The following UPF1 variants were observed in gnomAD, a reference collection of about 807,000 sequenced individuals.
UPF1 encodes UPF1 RNA helicase and ATPase, also known as regulator of nonsense transcripts 1.
In UPF1, 9 loss-of-function variants were observed where a neutral mutation model predicts 129.2. The ratio of observed to expected loss-of-function variants is 0.07; its 90% confidence interval spans 0.04 to 0.12. The LOEUF is 0.12. Ranked by LOEUF, UPF1 falls within the 10% of genes least tolerant of loss-of-function variation. The pLI is 1.00. For synonymous variants in UPF1, 649 were observed against 644.9 expected, an observed-to-expected ratio of 1.01 and a Z score of -0.10; for missense variants, 788 against 1,525.3, an observed-to-expected ratio of 0.52 and a Z score of 8.05.
At position 18,864,178 on chromosome 19, in the gene UPF1, C is replaced by T. The variant is rs1355981973; in HGVS notation, c.2784C>T (p.Arg928=). ...KLVNTINPGA[R]FMTTAMYDAR... Reference sequence around the variant, plus strand: ...TATCTAAACCTTCGCAGGGAGCCCGCTTCATGACCACAGCCATGTATGATG... The same window carrying T: ...TATCTAAACCTTCGCAGGGAGCCCGTTTCATGACCACAGCCATGTATGATG... The change falls in exon 20 of 24, where the codon CGC becomes CGT. Residue 928 remains arginine, a synonymous_variant. Transcript: ENST00000262803. The T allele has an allele frequency of 6.2e-7, 1 of 1,613,860 alleles. No individual in the cohort carries two copies. Among genetic ancestry groups the T allele is most frequent in the African/African-American group, 1.3e-5 (1 of 74,946 alleles).
In UPF1 at chr19:18,850,943, G is replaced by C; in HGVS notation, c.810+75G>C. ...CGGGGAGGGGAGTGTCTTCAGAGAC[G>C]GCTTGACCCAGTGAGACCGCTGGAG... On this transcript the variant is annotated intron_variant, in intron 5 of 23. Coordinates refer to ENST00000262803, the MANE Select transcript of UPF1 (RefSeq NM_002911.4). This position sits in a 1 kb window ranked among gnomAD's most constrained non-coding sequence, Gnocchi z 7.1. 1 of 1,441,038 alleles carries C rather than the reference G, an allele frequency of 6.9e-7. No individual in the cohort carries two copies. The highest frequency in any genetic ancestry group is 1.4e-5 in the African/African-American group (1 of 70,356). 89.3% of individuals were successfully genotyped at this position (1,441,038 alleles called of 1,614,324 possible).
chr19:18,836,548 G>T (rs2055484805), intron 1 of UPF1, among the ~76,000 whole-genome samples: 1 of 152,170 alleles, frequency 6.6e-6, no homozygotes, highest in Non-Finnish European at 1.5e-5. Context: ...GAAAGGGGAG[G>T]CAGGTGACAA....
rs369521945 is a variant in UPF1 at position 18,864,166 on chromosome 19, G to A, written c.2776-4G>A. Reference sequence around the variant, plus strand: ...AAATTCCTCACCTATCTAAACCTTCGCAGGGAGCCCGCTTCATGACCACAG... The same window carrying A: ...AAATTCCTCACCTATCTAAACCTTCACAGGGAGCCCGCTTCATGACCACAG... On this transcript the variant is annotated splice_region_variant and splice_polypyrimidine_tract_variant and intron_variant, in intron 19 of 23. Transcript: ENST00000262803. The A allele has an allele frequency of 2.9e-5, 46 of 1,613,674 alleles. No individual in the cohort carries two copies. Among genetic ancestry groups the A allele is most frequent in the Non-Finnish European group, 3.7e-5 (44 of 1,179,676 alleles).
At chr19:18,861,649 G>A (rs1020288866) in intron 17 of UPF1, among the ~76,000 whole-genome samples, 3 of 152,076 alleles carry the variant, frequency 2.0e-5, no homozygotes, top group Admixed American at 2.0e-4. Flanking sequence ...CCTGGGCAAC[G>A]TAGGGAGACC....
In UPF1 at chr19:18,842,242, T is replaced by G. The variant is rs1339391142; in HGVS notation, c.232-3738T>G. Among the ~76,000 whole-genome samples, 10 of 152,316 alleles carry G rather than the reference T, an allele frequency of 6.6e-5. No homozygotes were observed. The East Asian group carries it at 1.9e-3, about 29-fold the overall frequency. Reference sequence around the variant, plus strand: ...AGACATCACAAATCACGTGCAGTCATTAACTGGGACTTGGATTCTTAAAAA... The same window carrying G: ...AGACATCACAAATCACGTGCAGTCAGTAACTGGGACTTGGATTCTTAAAAA... On this transcript the variant is annotated intron_variant, in intron 1 of 23. Transcript: ENST00000262803.
intron 3 of UPF1, 100 bp from the exon 4 acceptor site, chr19:18,849,975 G>T: frequency 1.4e-6 from 2 of 1,467,442 alleles, no homozygotes; most frequent in South Asian, 1.2e-5. Context: ...TCTGCTAATG[G>T]ACCGTGAACG....
intron 1 of UPF1, among the ~76,000 whole-genome samples, chr19:18,845,586 G>C (rs1479834248): frequency 6.6e-6 from 1 of 152,160 alleles, no homozygotes; most frequent in Non-Finnish European, 1.5e-5. Flanking sequence ...CGTAGTGTTT[G>C]ATGAGCCTTA....
At chr19:18,861,112 G>GC (rs2055774389) in intron 17 of UPF1, 130 bp downstream of exon 17, 36 of 1,296,816 alleles carry the variant, frequency 2.8e-5, no homozygotes, top group Non-Finnish European at 3.6e-5. Flanking sequence ...GCACCAGCTG[G>GC]CCCACCCTCT....
chr19:18,846,215 C>T (rs1443162309), intron 2 of UPF1, 96 bp downstream of exon 2: 1 of 1,541,228 alleles, frequency 6.5e-7, no homozygotes. Context: ...AGGGTGGCGC[C>T]CTTGTGCTGT....
In UPF1 at chr19:18,851,346, T is replaced by TC. The variant is rs1000517537; in HGVS notation, c.810+482dup. Among the ~76,000 whole-genome samples, 1 of 152,180 alleles carries TC rather than the reference T, an allele frequency of 6.6e-6. No individual in the cohort carries two copies. The highest frequency in any genetic ancestry group is 1.5e-5 in the Non-Finnish European group (1 of 68,030). On this transcript the variant is annotated intron_variant, in intron 5 of 23. Transcript: ENST00000262803. This position sits in a 1 kb window ranked among gnomAD's most constrained non-coding sequence, Gnocchi z 4.2. ...TCCTTCCACAGACAGCCCTCACTTT[T>TC]CCCCACGGAAGCCTTTCTGTGCTTC...
At chr19:18,837,585 A>G (rs528827337) in intron 1 of UPF1, among the ~76,000 whole-genome samples, 5 of 152,336 alleles carry the variant, frequency 3.3e-5, no homozygotes, top group East Asian at 3.9e-4. Context: ...ATGTGTGCCT[A>G]TTGGTTTGAG....
chr19:18,832,254 C>G lies in UPF1; in HGVS notation c.45C>G (p.Phe15Leu). The G allele has an allele frequency of 1.3e-6, 2 of 1,554,728 alleles. No homozygotes were observed. Among genetic ancestry groups the G allele is most frequent in the Non-Finnish European group, 1.7e-6 (2 of 1,150,556 alleles). ...AYGPSSQTLT[F>L]LDTEEAELLG... is the part of the protein sequence containing the mutation. ...GGCCCAGCTCGCAGACTCTCACTTT[C>G]CTGGACACGGAGGAGGCCGAGCTGC... Residue 15 changes from phenylalanine to leucine, a missense_variant, in exon 1 of 24, where the codon TTC becomes TTG. Transcript: ENST00000262803. This position sits in a 1 kb window ranked among gnomAD's most constrained non-coding sequence, Gnocchi z 5.6.
At chr19:18,866,389 C>A in intron 23 of UPF1, 132 bp from the exon 24 acceptor site, 1 of 565,012 alleles carries the variant, frequency 1.8e-6, no homozygotes, top group Non-Finnish European at 2.9e-6. Context: ...CGGGGACCAC[C>A]GCGGGACCTC....
chr19:18,853,158 C>T lies in UPF1; in HGVS notation c.1057+87C>T, dbSNP rs1421686087. 3 of 1,600,812 alleles carry T rather than the reference C, an allele frequency of 1.9e-6. No individual in the cohort carries two copies. Among genetic ancestry groups the T allele is most frequent in the African/African-American group, 1.3e-5 (1 of 74,538 alleles). On this transcript the variant is annotated intron_variant, in intron 7 of 23. Transcript: ENST00000262803. This position sits in a 1 kb window ranked among gnomAD's most constrained non-coding sequence, Gnocchi z 4.4. The stretch of plus-strand genomic sequence containing the variant: ...CCATAAGTAGCATAAATTCCTAGTT[C>T]CACCCTTGTAAAGTGCCCCTTAATT...
At position 18,832,779 on chromosome 19, in the gene UPF1, G is replaced by A. The variant is rs1364600157; in HGVS notation, c.231+339G>A. 6.6e-6 allele frequency among the ~76,000 whole-genome samples: 1 copy of A among 152,024 alleles called. No homozygotes were observed. The highest frequency in any genetic ancestry group is 1.5e-5 in the Non-Finnish European group (1 of 67,984). Reference sequence around the variant, plus strand: ...AACCTGACCCTGTTCCTTTACGCCAGCTGGGTTTGCTCCCCCTCCTGGGCC... The same window carrying A: ...AACCTGACCCTGTTCCTTTACGCCAACTGGGTTTGCTCCCCCTCCTGGGCC... On this transcript the variant is annotated intron_variant, in intron 1 of 23. Coordinates refer to ENST00000262803, the MANE Select transcript of UPF1 (RefSeq NM_002911.4). This position sits in a 1 kb window ranked among gnomAD's most constrained non-coding sequence, Gnocchi z 5.6.
In UPF1 at chr19:18,850,816, G is replaced by A. The variant is rs1362041868; in HGVS notation, c.758G>A (p.Arg253Gln). ...ATCCCCTCCGAGCAGGAGCAGCTGC[G>A]GGCACGCCAGATCACGGCACAGCAG... is the stretch of plus-strand genomic sequence containing the variant. ...VKIPSEQEQL[R>Q]ARQITAQQIN... Residue 253 changes from arginine to glutamine, a missense_variant, in exon 5 of 24, where the codon CGG becomes CAG. Transcript: ENST00000262803. The surrounding 1 kb of genome is among the most constrained non-coding windows in gnomAD (Gnocchi z 7.1). 1 of 1,609,244 alleles carries A rather than the reference G, an allele frequency of 6.2e-7. No individual in the cohort carries two copies. The highest frequency in any genetic ancestry group is 2.2e-5 in the East Asian group (1 of 44,700).
rs761734199 is a variant in UPF1, at chr19:18,860,987, G to A, written c.2457+5G>A. ...CTGCACACCAAGCTCTACCAGGTGC[G>A]CTGCGCCCTCGGGCACACTTGGTCT... is the stretch of plus-strand genomic sequence containing the variant. On this transcript the variant is annotated splice_donor_5th_base_variant and intron_variant, in intron 17 of 23. Coordinates refer to ENST00000262803, the MANE Select transcript of UPF1 (RefSeq NM_002911.4). The A allele has an allele frequency of 4.5e-6, 7 of 1,571,616 alleles. No individual in the cohort carries two copies. Among genetic ancestry groups the A allele is most frequent in the Admixed American group, 1.8e-5 (1 of 55,132 alleles).
chr19:18,863,505 A>C lies in UPF1; in HGVS notation c.2668A>C (p.Asn890His). ...GCAGCCGCTCTGGAACCACCTGCTG[A>C]ACTACTATAAGGAGCAGAAGGTGCT... is the stretch of plus-strand genomic sequence containing the variant. Reference protein sequence around the residue: ...SKQPLWNHLLNYYKEQKVLVE... With the variant: ...SKQPLWNHLLHYYKEQKVLVE... Residue 890 changes from asparagine to histidine, a missense_variant, in exon 19 of 24, where the codon AAC (asparagine) becomes CAC (histidine). Around this residue, in one of 6 missense-constraint regions of UPF1, gnomAD observed 218 missense variants for 318.1 expected, o/e 0.69. Transcript: ENST00000262803. The C allele has an allele frequency of 6.2e-7, 1 of 1,613,862 alleles. No individual in the cohort carries two copies. The highest frequency in any genetic ancestry group is 8.5e-7 in the Non-Finnish European group (1 of 1,179,852).
rs751131358 is a variant in UPF1 at position 18,862,011 on chromosome 19, A to T, written c.2459A>T (p.Glu820Val). 6.2e-7 allele frequency: 1 copy of T among 1,613,906 alleles called. No homozygotes were observed. The highest frequency in any genetic ancestry group is 8.5e-7 in the Non-Finnish European group (1 of 1,179,998). ...AGTGACCACAAAGCTCCCTTCCAGG[A>T]GGTGGAGATCGCCAGTGTGGACGCC... The part of the protein sequence containing the change: ...SGSLHTKLYQ[E>V]VEIASVDAFQ... The change falls in exon 18 of 24, where the codon GAG becomes GTG. Residue 820 changes from glutamate (E) to valine (V), a missense_variant and splice_region_variant. By Grantham distance (121) the Glu-to-Val change is moderately radical. Around this residue, in one of 6 missense-constraint regions of UPF1, gnomAD observed 140 missense variants for 385.9 expected, o/e 0.36. Coordinates refer to ENST00000262803, the MANE Select transcript of UPF1 (RefSeq NM_002911.4).
Sources: gnomAD v4.1 joint callset for allele counts (sites outside exome capture counted in the v4.1 genomes callset) on GRCh38, gnomAD v4.1.1 for gene constraint, gnomAD v4.1.1 regional missense constraint, Gnocchi (gnomAD v3.1) non-coding constraint, MANE v1.5 for transcripts, NCBI Gene and HGNC (gene_info 2026-07-23, HGNC 2026-07-21) for gene names.